NLGN1: variants seen among roughly 807,000 people sequenced by gnomAD.
NLGN1 encodes neuroligin-1.
Under a neutral mutation model 65.5 loss-of-function variants are expected in NLGN1, and 12 were observed. That is an observed-to-expected ratio of 0.18 (90% CI 0.12 to 0.30). NLGN1 has a LOEUF of 0.30. Among genes scored for constraint, NLGN1 ranks in the 10% least tolerant of loss-of-function variants. NLGN1 has a pLI of 1.00. For missense variants in NLGN1, 750 were observed against 1,007.1 expected, an observed-to-expected ratio of 0.74 and a Z score of 3.46; for synonymous variants, 350 against 359.5, an observed-to-expected ratio of 0.97 and a Z score of 0.30.
chr3:174,256,309 T>C (rs1282016845), intron 4 of NLGN1, among the ~76,000 whole-genome samples: 1 of 152,216 alleles, frequency 6.6e-6, no homozygotes, highest in Non-Finnish European at 1.5e-5. Context: ...GGTTGCTTAA[T>C]CATCTTCTCT....
chr3:174,243,868 G>C, intron 4 of NLGN1, among the ~76,000 whole-genome samples: 1 of 152,158 alleles, frequency 6.6e-6, no homozygotes, highest in Non-Finnish European at 1.5e-5. Flanking sequence ...AGAGAACACT[G>C]TTTCACAGAA....
chr3:173,949,276 G>C (rs936666541), intron 4 of NLGN1, among the ~76,000 whole-genome samples: 7 of 152,056 alleles, frequency 4.6e-5, no homozygotes, highest in African/African-American at 1.7e-4. Flanking sequence ...GCAAAAAGGG[G>C]CTTTATGTAT....
intron 4 of NLGN1, among the ~76,000 whole-genome samples, chr3:174,009,448 C>T (rs1216590995): frequency 6.6e-6 from 1 of 152,072 alleles, no homozygotes; most frequent in Non-Finnish European, 1.5e-5. Context: ...TGCATTATCT[C>T]CTTTCATCTT....
At chr3:173,458,099 G>A (rs1163477010) in intron 2 of NLGN1, among the ~76,000 whole-genome samples, 2 of 152,030 alleles carry the variant, frequency 1.3e-5, no homozygotes, top group Non-Finnish European at 2.9e-5. Context: ...ATGGAAAGTA[G>A]AAGAGGAGTA....
chr3:173,446,700 T>G (rs1720418363), intron 2 of NLGN1, among the ~76,000 whole-genome samples: 1 of 152,176 alleles, frequency 6.6e-6, no homozygotes, highest in South Asian at 2.1e-4. Flanking sequence ...AGTGTTACTA[T>G]TTGTCCACAT....
chr3:173,783,488 T>C lies in NLGN1; in HGVS notation c.494-24192T>C, dbSNP rs77051220. 1.7e-4 allele frequency among the ~76,000 whole-genome samples: 26 copies of C among 152,336 alleles called. No individual in the cohort carries two copies. The East Asian group carries it at 5.0e-3, about 29-fold the overall frequency. On this transcript the variant is annotated intron_variant, in intron 3 of 6. Coordinates refer to ENST00000457714, the Ensembl canonical transcript of NLGN1. The stretch of plus-strand genomic sequence containing the variant: ...CTAGATGTCATTCTGAGCTATATTT[T>C]AATTGATCTAAGATTGTGCATAATC...
chr3:174,127,507 T>A (rs1201402664), intron 4 of NLGN1, among the ~76,000 whole-genome samples: 1 of 151,992 alleles, frequency 6.6e-6, no homozygotes, highest in Non-Finnish European at 1.5e-5. Flanking sequence ...ATAGTAATAC[T>A]CCCTCCTTCT....
At chr3:173,969,525 A>G (rs1308469632) in intron 4 of NLGN1, among the ~76,000 whole-genome samples, 1 of 152,150 alleles carries the variant, frequency 6.6e-6, no homozygotes, top group Non-Finnish European at 1.5e-5. Flanking sequence ...TACTAAATTA[A>G]TACATTGACA....
intron 2 of NLGN1, among the ~76,000 whole-genome samples, chr3:173,518,509 T>G (rs1734230126): frequency 6.7e-6 from 1 of 150,142 alleles, no homozygotes; most frequent in Admixed American, 6.7e-5. Context: ...ATGCATGTAT[T>G]ATATATATAT....
rs149596668 is a variant in NLGN1, at chr3:173,504,445, C to T, written c.-321+69367C>T. 2.0e-3 allele frequency among the ~76,000 whole-genome samples: 304 copies of T among 152,096 alleles called. 1 individual carries two copies. Among genetic ancestry groups the T allele is most frequent in the South Asian group, 8.7e-3 (42 of 4,818 alleles). ...ATTTACTTCAGATTTACATTTTCAA[C>T]GTCAGTAATTCAAAATCTAACCTAA... On this transcript the variant is annotated intron_variant, in intron 2 of 6. Coordinates refer to ENST00000457714, the Ensembl canonical transcript of NLGN1.
chr3:173,427,287 T>A (rs1349359290), intron 1 of NLGN1, among the ~76,000 whole-genome samples: 1 of 152,012 alleles, frequency 6.6e-6, no homozygotes, highest in African/African-American at 2.4e-5. Flanking sequence ...TATTTTTCTA[T>A]TTTCTTTTTC....
At chr3:174,290,200 A>G (rs892174674), downstream of NLGN1, among the ~76,000 whole-genome samples, 2 of 150,848 alleles carry the variant, frequency 1.3e-5, no homozygotes, top group Non-Finnish European at 3.0e-5. Context: ...CAAAAGAATC[A>G]GCAGCAAAGA....
chr3:173,453,307 G>A lies in NLGN1; in HGVS notation c.-321+18229G>A, dbSNP rs9844585. 3.9e-3 allele frequency among the ~76,000 whole-genome samples: 585 copies of A among 151,622 alleles called. 4 individuals are homozygous for A. Among genetic ancestry groups the A allele is most frequent in the African/African-American group, 0.013 (548 of 41,342 alleles). On this transcript the variant is annotated intron_variant, in intron 2 of 6. Transcript: ENST00000457714. ...AGAGATGGGATCTTGCCATGTTGCC[G>A]AGCTGGTCTTGAATTGCTAGGCTCA...
At chr3:173,765,732 C>A (rs916269692) in intron 3 of NLGN1, among the ~76,000 whole-genome samples, 1 of 152,116 alleles carries the variant, frequency 6.6e-6, no homozygotes, top group East Asian at 1.9e-4. Context: ...TTATATTATA[C>A]GGTAAGAATA....
chr3:173,686,809 G>A (rs769482940), intron 3 of NLGN1, among the ~76,000 whole-genome samples: 2 of 151,796 alleles, frequency 1.3e-5, no homozygotes, highest in East Asian at 1.9e-4. Flanking sequence ...AAAAATTAGC[G>A]GGGTGTGGTG....
At chr3:173,643,996 C>G (rs1354055707) in intron 3 of NLGN1, among the ~76,000 whole-genome samples, 1 of 152,186 alleles carries the variant, frequency 6.6e-6, no homozygotes, top group African/African-American at 2.4e-5. Context: ...AGCTGCAGAT[C>G]ACCTGAGCCC....
chr3:173,650,767 A>C (rs1042127849), intron 3 of NLGN1, among the ~76,000 whole-genome samples: 3 of 152,110 alleles, frequency 2.0e-5, no homozygotes, highest in African/African-American at 7.2e-5. Flanking sequence ...CGAAGTTTTC[A>C]TACATTCTTA....
intron 4 of NLGN1, among the ~76,000 whole-genome samples, chr3:173,928,287 T>A (rs1156462505): frequency 6.6e-6 from 1 of 152,222 alleles, no homozygotes; most frequent in Non-Finnish European, 1.5e-5. Flanking sequence ...GATCACCACA[T>A]AGCCTCTTTG....
chr3:173,473,307 C>T lies in NLGN1; in HGVS notation c.-321+38229C>T, dbSNP rs540370888. On this transcript the variant is annotated intron_variant, in intron 2 of 6. Transcript: ENST00000457714. Reference sequence around the variant, plus strand: ...ATATGAACTGTCTCAGCAAGAGTACCTGGCCTTTCTAGAGTAATGAAACAT... The same window carrying T: ...ATATGAACTGTCTCAGCAAGAGTACTTGGCCTTTCTAGAGTAATGAAACAT... Among the ~76,000 whole-genome samples, 5 of 152,250 alleles carry T rather than the reference C, an allele frequency of 3.3e-5. No homozygotes were observed. In the South Asian group the frequency reaches 1.0e-3, roughly 32 times the overall value.
Sources: gnomAD v4.1 joint callset for allele counts (sites outside exome capture counted in the v4.1 genomes callset) on GRCh38, gnomAD v4.1.1 for gene constraint, MANE v1.5 for transcripts, NCBI Gene and HGNC (gene_info 2026-07-23, HGNC 2026-07-21) for gene names.